The following PAK3 variants were observed in gnomAD, a reference collection of about 807,000 sequenced individuals.
PAK3 encodes serine/threonine-protein kinase PAK 3.
A neutral mutation model predicts 41.0 loss-of-function variants in PAK3; 4 were observed. The observed-to-expected ratio is 0.10, with a 90% CI of 0.05 to 0.22. The LOEUF is 0.22. Among genes scored for constraint, PAK3 ranks in the 10% least tolerant of loss-of-function variants. The pLI, the probability that PAK3 is intolerant of heterozygous loss-of-function variation, is 1.00. For synonymous variants in PAK3, 146 were observed against 139.6 expected, an observed-to-expected ratio of 1.05 and a Z score of -0.32; for missense variants, 205 against 409.9, an observed-to-expected ratio of 0.50 and a Z score of 4.32.
At chrX:111,019,124 A>C (rs1046739438) in intron 1 of PAK3, among the ~76,000 whole-genome samples, 1 of 111,337 alleles carries the variant, frequency 9.0e-6, no homozygotes, top group African/African-American at 3.3e-5. Flanking sequence ...AACCATAATA[A>C]CTAAAACTAT....
At chrX:111,015,371 C>T (rs976296579) in intron 1 of PAK3, among the ~76,000 whole-genome samples, 1 of 111,279 alleles carries the variant, frequency 9.0e-6, no homozygotes, top group Non-Finnish European at 1.9e-5. Flanking sequence ...TGGGTTGCTT[C>T]CACCTTTTGA....
chrX:111,211,368 A>G (rs968107128), intron 16 of PAK3, among the ~76,000 whole-genome samples: 3 of 111,141 alleles, frequency 2.7e-5, no homozygotes, highest in African/African-American at 9.8e-5. Context: ...TAAATGGAGA[A>G]AAATGCACAA....
At chrX:111,193,844 A>G (rs1023240937) in intron 13 of PAK3, among the ~76,000 whole-genome samples, 6 of 112,280 alleles carry the variant, frequency 5.3e-5, no homozygotes, top group Non-Finnish European at 9.4e-5. Flanking sequence ...GCTGCTTTCC[A>G]TAAATAATAA....
rs986965070 is a variant in PAK3, at chrX:110,972,907, C to T, written c.-28+28279C>T. On this transcript the variant is annotated intron_variant, in intron 1 of 14. Transcript: ENST00000425146. ...GCTGAAAATCATGGCACAAGAACTT[C>T]GTGACGCATGCACAAGCTTCAATAG... is the stretch of plus-strand genomic sequence containing the variant. Among the ~76,000 whole-genome samples the T allele has an allele frequency of 9.9e-5, 11 of 111,542 alleles. 1 individual carries two copies. Among genetic ancestry groups the T allele is most frequent in the Middle Eastern group, 9.2e-3 (2 of 218 alleles).
At chrX:110,954,981 G>C (rs895529471) in intron 1 of PAK3, among the ~76,000 whole-genome samples, 2 of 111,109 alleles carry the variant, frequency 1.8e-5, no homozygotes, top group African/African-American at 6.6e-5. Flanking sequence ...AGAGGACCCA[G>C]AATAACATGA....
At position 111,001,001 on chromosome X, in the gene PAK3, A is replaced by C. The variant is rs1355044365; in HGVS notation, c.-28+56373A>C. Among the ~76,000 whole-genome samples the C allele has an allele frequency of 3.6e-5, 4 of 111,806 alleles. No homozygotes were observed. In the East Asian group the frequency reaches 1.1e-3, roughly 32 times the overall value. On this transcript the variant is annotated intron_variant, in intron 1 of 14. Coordinates refer to the PAK3 transcript ENST00000425146. ...AAGGCCTCACTGAGATGACATTTGAACAAAGCCTTTAAAGAAGAGGGTGCA... is the reference window on the plus strand; with the variant it reads ...AAGGCCTCACTGAGATGACATTTGACCAAAGCCTTTAAAGAAGAGGGTGCA...
At chrX:110,997,205 G>A (rs1217775167) in intron 1 of PAK3, among the ~76,000 whole-genome samples, 2 of 110,947 alleles carry the variant, frequency 1.8e-5, no homozygotes, top group Admixed American at 9.6e-5. Flanking sequence ...TGGGGTTGGG[G>A]GGGCAGGTGT....
intron 17 of PAK3, among the ~76,000 whole-genome samples, chrX:111,219,362 G>A (rs2094909814): frequency 9.1e-6 from 1 of 109,965 alleles, no homozygotes; most frequent in African/African-American, 3.3e-5. Flanking sequence ...TTCAGCAAGA[G>A]GACAAGTGAT....
intron 4 of PAK3, among the ~76,000 whole-genome samples, chrX:111,105,862 C>G (rs1451866399): frequency 9.0e-6 from 1 of 111,473 alleles, no homozygotes; most frequent in Non-Finnish European, 1.9e-5. Flanking sequence ...TCACTCTACC[C>G]TCTCAAACTC....
chrX:111,171,730 T>G (rs1159119352), intron 10 of PAK3, among the ~76,000 whole-genome samples: 1 of 111,644 alleles, frequency 9.0e-6, no homozygotes, highest in Non-Finnish European at 1.9e-5. Flanking sequence ...GGGGAGTAAC[T>G]GCTAACAAGT....
chrX:111,149,185 G>C (rs2093992073), intron 7 of PAK3, among the ~76,000 whole-genome samples: 1 of 111,868 alleles, frequency 8.9e-6, no homozygotes, highest in East Asian at 2.8e-4. Context: ...CTCACATCTA[G>C]GTCACGCTGA....
At chrX:111,046,465 T>A (rs1177756237) in intron 1 of PAK3, among the ~76,000 whole-genome samples, 1 of 111,792 alleles carries the variant, frequency 8.9e-6, no homozygotes, top group African/African-American at 3.3e-5. Flanking sequence ...CCATATATAC[T>A]TGTTGTGAGG....
intron 1 of PAK3, among the ~76,000 whole-genome samples, chrX:110,954,869 A>G (rs1256132258): frequency 3.6e-5 from 4 of 111,410 alleles, no homozygotes; most frequent in African/African-American, 1.3e-4. Flanking sequence ...TACTCCCAGC[A>G]GGAGACTAGT....
At chrX:110,959,761 G>A (rs761526526) in intron 1 of PAK3, among the ~76,000 whole-genome samples, 12 of 111,567 alleles carry the variant, frequency 1.1e-4, no homozygotes, top group Non-Finnish European at 1.9e-4. Flanking sequence ...CTACAGAGCT[G>A]AGGGGTGATA....
chrX:111,138,801 T>A (rs747099282), intron 5 of PAK3, among the ~76,000 whole-genome samples: 1 of 110,940 alleles, frequency 9.0e-6, no homozygotes, highest in South Asian at 3.9e-4. Flanking sequence ...AAACATGAAC[T>A]TTTAACTTAT....
chrX:111,095,812 TGTACA>T (rs2092972366), upstream of PAK3, among the ~76,000 whole-genome samples: 1 of 111,250 alleles, frequency 9.0e-6, no homozygotes, highest in African/African-American at 3.3e-5. Context: ...CCCGTGTAGC[TGTACA>T]GATTTCGTCC....
Position 111,163,062 on chromosome X carries a change from C to A in PAK3, c.600+16C>A. On this transcript the variant is annotated intron_variant, in intron 9 of 17. Coordinates refer to ENST00000372007, the MANE Select transcript of PAK3 (RefSeq NM_002578.5). ...TACAAAATCAGTAAGTCACAAAGGA[C>A]TATTTCCAAATGATTCAAAAGATGC... 8.4e-7 allele frequency: 1 copy of A among 1,197,438 alleles called. No individual in the cohort carries two copies. The highest frequency in any genetic ancestry group is 1.1e-6 in the Non-Finnish European group (1 of 882,929).
rs868388006 is a variant in PAK3 at position 110,952,982 on chromosome X, G to A, written c.-28+8354G>A. ...TTGAAACATCATAGCCACAGATATGGATTCTATGCATAAATCATATGATAC... is the reference window on the plus strand; with the variant it reads ...TTGAAACATCATAGCCACAGATATGAATTCTATGCATAAATCATATGATAC... On this transcript the variant is annotated intron_variant, in intron 1 of 14. Transcript: ENST00000425146. Among the ~76,000 whole-genome samples, 3 of 112,047 alleles carry A rather than the reference G, an allele frequency of 2.7e-5. No individual in the cohort carries two copies. The South Asian group carries it at 1.1e-3, about 42-fold the overall frequency.
intron 16 of PAK3, among the ~76,000 whole-genome samples, chrX:111,207,092 GTGTGTGTATATA>G (rs1166634174): frequency 9.3e-6 from 1 of 107,215 alleles, no homozygotes; most frequent in African/African-American, 3.5e-5. Context: ...GTGTGTGTGT[GTGTGTGTATATA>G]TATATACATA....
Sources: allele counts gnomAD v4.1 joint callset (sites outside exome capture counted in the v4.1 genomes callset), GRCh38; gene constraint gnomAD v4.1.1; transcripts MANE v1.5; gene names NCBI Gene and HGNC (gene_info 2026-07-23, HGNC 2026-07-21).